The following NELL1 variants were observed in gnomAD, a reference collection of about 807,000 sequenced individuals.
NELL1 encodes the protein neural EGFL like 1.
In NELL1, 76 loss-of-function variants were observed where a neutral mutation model predicts 107.4. That is an observed-to-expected ratio of 0.71 (90% confidence interval 0.59 to 0.86). NELL1 has a LOEUF of 0.86. Among genes scored for constraint, NELL1 ranks in the 40% least tolerant of loss-of-function variants. The probability of loss-of-function intolerance (pLI) is 0.00; values close to 1 mark genes in which losing one functional copy is unlikely to be tolerated. For synonymous variants in NELL1, 353 were observed against 341.2 expected (o/e 1.03, Z -0.38); for missense variants, 1,024 against 1,005.5 (o/e 1.02, Z -0.25).
chr11:21,349,691 A>G (rs1266946644), intron 14 of NELL1, among the ~76,000 whole-genome samples: 1 of 151,898 alleles, frequency 6.6e-6, no homozygotes, highest in Non-Finnish European at 1.5e-5. Flanking sequence ...TTGTCTGTGG[A>G]TAGAGAGACC....
At chr11:21,535,362 G>A (rs1856108044) in intron 16 of NELL1, among the ~76,000 whole-genome samples, 1 of 152,168 alleles carries the variant, frequency 6.6e-6, no homozygotes, top group Non-Finnish European at 1.5e-5. Context: ...GGCTCCCAAA[G>A]TTTAGCTTGC....
intron 2 of NELL1, among the ~76,000 whole-genome samples, chr11:20,779,085 T>C (rs766824811): frequency 3.3e-5 from 5 of 152,190 alleles, no homozygotes; most frequent in Non-Finnish European, 5.9e-5. Context: ...GCTTCCTCTA[T>C]TGGAAATACT....
chr11:21,218,952 G>A (rs1441742410), intron 13 of NELL1, among the ~76,000 whole-genome samples: 1 of 151,946 alleles, frequency 6.6e-6, no homozygotes, highest in Non-Finnish European at 1.5e-5. Flanking sequence ...TAAATATGGG[G>A]GTGCAAATAT....
chr11:20,834,748 A>G (rs1022361601), intron 3 of NELL1, among the ~76,000 whole-genome samples: 2 of 152,046 alleles, frequency 1.3e-5, no homozygotes, highest in African/African-American at 4.8e-5. Context: ...CTAACTTATT[A>G]GAGTGGAGTC....
chr11:21,232,367 T>C (rs1188815438), intron 14 of NELL1, among the ~76,000 whole-genome samples: 1 of 151,150 alleles, frequency 6.6e-6, no homozygotes, highest in African/African-American at 2.4e-5. Flanking sequence ...TTACTTTCCC[T>C]ATTTATCTAA....
intron 12 of NELL1, among the ~76,000 whole-genome samples, chr11:21,031,134 T>G (rs1212824990): frequency 1.3e-5 from 2 of 152,238 alleles, no homozygotes; most frequent in African/African-American, 4.8e-5. Flanking sequence ...CTATTTCATA[T>G]TCTTTTAGAA....
At chr11:21,231,644 G>A (rs974367556) in intron 14 of NELL1, among the ~76,000 whole-genome samples, 1 of 152,064 alleles carries the variant, frequency 6.6e-6, no homozygotes, top group Non-Finnish European at 1.5e-5. Flanking sequence ...TGTATTTGCC[G>A]AGTCCTCTCT....
chr11:21,483,283 C>T (rs1854537806), intron 15 of NELL1, among the ~76,000 whole-genome samples: 1 of 152,150 alleles, frequency 6.6e-6, no homozygotes, highest in Non-Finnish European at 1.5e-5. Context: ...AATCACTTTA[C>T]CATGAATATA....
intron 15 of NELL1, 140 bp downstream of exon 15, chr11:21,371,088 C>A (rs905418837): frequency 6.4e-6 from 4 of 624,260 alleles, no homozygotes; most frequent in African/African-American, 3.8e-5. Flanking sequence ...GGAGCTCTCC[C>A]AAAGTGGGTA....
chr11:21,106,289 A>G (rs563061260), intron 12 of NELL1, among the ~76,000 whole-genome samples: 21 of 152,152 alleles, frequency 1.4e-4, no homozygotes, highest in Admixed American at 3.3e-4. Flanking sequence ...AATTTACTGC[A>G]TGTTTCTATG....
At chr11:20,699,574 G>A (rs1193719920) in intron 2 of NELL1, among the ~76,000 whole-genome samples, 2 of 152,056 alleles carry the variant, frequency 1.3e-5, no homozygotes, top group African/African-American at 4.8e-5. Context: ...TGGCCAGGCT[G>A]ATCTCAAACT....
chr11:20,975,818 ATGTATTATATATGTACATATG>A (rs1366816545), intron 12 of NELL1, among the ~76,000 whole-genome samples: 1 of 128,604 alleles, frequency 7.8e-6, no homozygotes, highest in Non-Finnish European at 1.5e-5. Context: ...CATATTATAT[ATGTATTATATATGTACATATG>A]TGTATTATAT....
chr11:21,146,258 TAA>T (rs200751534), intron 13 of NELL1, among the ~76,000 whole-genome samples: 4 of 144,164 alleles, frequency 2.8e-5, no homozygotes, highest in African/African-American at 1.0e-4. Context: ...CCTGAATAGT[TAA>T]AAAAAAAAAT....
intron 3 of NELL1, among the ~76,000 whole-genome samples, chr11:20,829,425 A>G (rs1857957801): frequency 6.6e-6 from 1 of 151,944 alleles, no homozygotes; most frequent in South Asian, 2.1e-4. Context: ...AAGAGGTTTC[A>G]CTATCTTGGC....
At chr11:20,869,437 TG>T (rs1169689750) in intron 4 of NELL1, among the ~76,000 whole-genome samples, 4 of 152,188 alleles carry the variant, frequency 2.6e-5, no homozygotes, top group Non-Finnish European at 1.5e-5. Context: ...GTATTCAAAG[TG>T]CTGATGGACA....
rs1021261040 is a variant in NELL1, at chr11:20,729,122, T to C, written c.184+51062T>C. Reference sequence around the variant, plus strand: ...TCTCAGCTTGAACATTATTGGTATATAAAAATGCTACTGATTTTTTTTTAA... The same window carrying C: ...TCTCAGCTTGAACATTATTGGTATACAAAAATGCTACTGATTTTTTTTTAA... On this transcript the variant is annotated intron_variant, in intron 2 of 19. Coordinates refer to ENST00000357134, the MANE Select transcript of NELL1 (RefSeq NM_006157.5). 8.6e-5 allele frequency among the ~76,000 whole-genome samples: 6 copies of C among 69,366 alleles called. No individual in the cohort carries two copies. The South Asian group carries it at 5.2e-3, about 60-fold the overall frequency. The allele number at this position is 69,366 out of a possible 152,430, so 45.5% of individuals were successfully genotyped here.
chr11:21,401,487 A>G lies in NELL1; in HGVS notation c.1645+30539A>G, dbSNP rs192971318. ...GGTATTTGTCCTGCATCCTACTAAC[A>G]TCAGCAATTTAGTTAAGTTATAACA... On this transcript the variant is annotated intron_variant, in intron 15 of 19. Transcript: ENST00000357134. Among the ~76,000 whole-genome samples the G allele has an allele frequency of 2.0e-3, 297 of 150,470 alleles. 2 individuals are homozygous for G. The highest frequency in any genetic ancestry group is 7.2e-3 in the African/African-American group (290 of 40,256).
At chr11:20,832,806 A>T (rs1858040531) in intron 3 of NELL1, among the ~76,000 whole-genome samples, 2 of 152,182 alleles carry the variant, frequency 1.3e-5, no homozygotes, top group Admixed American at 1.3e-4. Context: ...TACTATATTT[A>T]TTGAGAGCTC....
intron 2 of NELL1, among the ~76,000 whole-genome samples, chr11:20,781,387 T>G (rs551143894): frequency 1.3e-5 from 2 of 152,082 alleles, no homozygotes; most frequent in African/African-American, 4.8e-5. Flanking sequence ...AACGTTTGAA[T>G]TTACTGCATA....
Sources: allele counts gnomAD v4.1 joint callset (sites outside exome capture counted in the v4.1 genomes callset), GRCh38; gene constraint gnomAD v4.1.1; transcripts MANE v1.5; gene names NCBI Gene and HGNC (gene_info 2026-07-23, HGNC 2026-07-21).